Variants in EHBP1 observed in about 807,000 individuals in gnomAD.
The protein encoded by EHBP1 is EH domain-binding protein 1.
EHBP1 carries 55 observed loss-of-function variants against 144.0 expected under a neutral mutation model. The observed-to-expected ratio is 0.38, with a 90% CI of 0.31 to 0.48. The LOEUF is 0.48. EHBP1 is among the 20% of genes least tolerant of loss of function. EHBP1 has a pLI of 0.98. For synonymous variants in EHBP1, 469 were observed against 472.7 expected (o/e 0.99, Z 0.10); for missense variants, 1,200 against 1,364.2 (o/e 0.88, Z 1.90).
At chr2:62,782,140 G>T (rs926462080) in intron 5 of EHBP1, among the ~76,000 whole-genome samples, 4 of 152,176 alleles carry the variant, frequency 2.6e-5, no homozygotes, top group African/African-American at 9.7e-5. Flanking sequence ...CTAGGCACTA[G>T]ATTTAGAGCC....
At chr2:62,693,252 C>A (rs2151749359) in intron 1 of EHBP1, among the ~76,000 whole-genome samples, 1 of 152,168 alleles carries the variant, frequency 6.6e-6, no homozygotes, top group South Asian at 2.1e-4. Context: ...TTTCTTAATC[C>A]ATTCATCTGT....
chr2:62,678,277 A>G (rs1169906959), intron 1 of EHBP1, among the ~76,000 whole-genome samples: 1 of 152,182 alleles, frequency 6.6e-6, no homozygotes, highest in Admixed American at 6.5e-5. Flanking sequence ...CAATTTGTAT[A>G]TCTTCTTTTG....
At chr2:62,893,269 A>T (rs1478402270) in intron 10 of EHBP1, among the ~76,000 whole-genome samples, 1 of 152,208 alleles carries the variant, frequency 6.6e-6, no homozygotes. Context: ...ACTTTCTATC[A>T]TATATCATTA....
chr2:62,680,351 A>G (rs1357649672), intron 1 of EHBP1, among the ~76,000 whole-genome samples: 1 of 152,180 alleles, frequency 6.6e-6, no homozygotes, highest in East Asian at 1.9e-4. Flanking sequence ...GAATTACCAG[A>G]GGCAAAGGAG....
At chr2:63,038,837 G>T in intron 21 of EHBP1, 21 bp downstream of exon 21, 18 of 1,599,582 alleles carry the variant, frequency 1.1e-5, no homozygotes, top group Non-Finnish European at 1.5e-5. Flanking sequence ...CTATGGTGGG[G>T]TGAGGTATGT....
intron 8 of EHBP1, among the ~76,000 whole-genome samples, chr2:62,861,113 T>C (rs2049493077): frequency 1.3e-5 from 2 of 150,052 alleles, no homozygotes; most frequent in East Asian, 2.0e-4. Flanking sequence ...TATATTTATG[T>C]GCTTGAGTGG....
At position 63,010,370 on chromosome 2, in the gene EHBP1, TAAAG is replaced by T. The variant is rs963289053; in HGVS notation, c.3103+13612_3103+13615del. Among the ~76,000 whole-genome samples the T allele has an allele frequency of 8.3e-4, 126 of 151,434 alleles. 1 individual carries two copies. The highest frequency in any genetic ancestry group is 2.7e-3 in the African/African-American group (112 of 41,452). ...CTTACATAGTTTGTTTAAAAAGAAATAAAGAAAGAAAAATCAATACCTAAATGTC... is the reference window on the plus strand; with the variant it reads ...CTTACATAGTTTGTTTAAAAAGAAATAAAGAAAAATCAATACCTAAATGTC... On this transcript the variant is annotated intron_variant, in intron 19 of 22. Transcript: ENST00000431489.
chr2:62,813,015 T>A lies in EHBP1; in HGVS notation c.313-13072T>A, dbSNP rs182301176. On this transcript the variant is annotated intron_variant, in intron 5 of 22. Coordinates refer to ENST00000431489, the MANE Select transcript of EHBP1 (RefSeq NM_001142616.3). Reference sequence around the variant, plus strand: ...AGCCAGGTGCTATTCATCAAGATAATGAGAGAATAACCCCACAAGCAGTTT... The same window carrying A: ...AGCCAGGTGCTATTCATCAAGATAAAGAGAGAATAACCCCACAAGCAGTTT... Among the ~76,000 whole-genome samples the A allele has an allele frequency of 1.2e-4, 19 of 152,288 alleles. No homozygotes were observed. In the East Asian group the frequency reaches 3.5e-3, roughly 28 times the overall value.
chr2:62,753,171 T>C (rs2152239379), intron 3 of EHBP1, among the ~76,000 whole-genome samples: 1 of 152,354 alleles, frequency 6.6e-6, no homozygotes, highest in Non-Finnish European at 1.5e-5. Flanking sequence ...AGTGCTTCCT[T>C]CATGAGCTCT....
chr2:63,019,835 GGAA>G (rs1559074872), intron 19 of EHBP1, among the ~76,000 whole-genome samples: 741 of 63,864 alleles, frequency 0.012, 62 homozygotes, highest in East Asian at 0.049. Flanking sequence ...GGGGAGGGAA[GGAA>G]GGAAGGAAGG....
intron 5 of EHBP1, among the ~76,000 whole-genome samples, chr2:62,773,850 CAAAAAAAAAAA>C (rs570715468): frequency 7.9e-4 from 33 of 41,534 alleles, no homozygotes; most frequent in African/African-American, 1.5e-3. Context: ...GACTCCATCT[CAAAAAAAAAAA>C]AAAAAAAAAA....
intron 19 of EHBP1, among the ~76,000 whole-genome samples, chr2:63,033,551 C>T (rs1163195033): frequency 2.0e-5 from 3 of 152,040 alleles, no homozygotes; most frequent in Non-Finnish European, 4.4e-5. Context: ...TATAAGAATT[C>T]ATTGTCTAAA....
chr2:62,750,464 C>G (rs1208096176), intron 3 of EHBP1, among the ~76,000 whole-genome samples: 2 of 152,128 alleles, frequency 1.3e-5, no homozygotes, highest in Non-Finnish European at 2.9e-5. Context: ...CTTGGCAATG[C>G]AGGCTCTTTT....
chr2:62,696,897 A>T (rs1392822727), intron 1 of EHBP1, among the ~76,000 whole-genome samples: 1 of 152,232 alleles, frequency 6.6e-6, no homozygotes, highest in East Asian at 1.9e-4. Context: ...ATCTCTAAGG[A>T]TATCTAGGAA....
chr2:62,677,045 C>T (rs1238973654), intron 1 of EHBP1, among the ~76,000 whole-genome samples: 2 of 152,160 alleles, frequency 1.3e-5, no homozygotes, highest in African/African-American at 4.8e-5. Flanking sequence ...TTCTCGCAGT[C>T]CCAGATACTC....
intron 5 of EHBP1, among the ~76,000 whole-genome samples, chr2:62,815,640 T>A (rs2045382914): frequency 6.6e-6 from 1 of 152,210 alleles, no homozygotes; most frequent in Admixed American, 6.5e-5. Context: ...CTTGGGTATT[T>A]GGCAAATGTT....
At chr2:62,960,556 G>A (rs2057951025) in intron 14 of EHBP1, among the ~76,000 whole-genome samples, 1 of 152,002 alleles carries the variant, frequency 6.6e-6, no homozygotes, top group Non-Finnish European at 1.5e-5. Context: ...ATTCAACTGT[G>A]AACTATTTCA....
intron 10 of EHBP1, among the ~76,000 whole-genome samples, chr2:62,906,723 C>A (rs981286742): frequency 6.6e-6 from 1 of 152,146 alleles, no homozygotes; most frequent in Non-Finnish European, 1.5e-5. Flanking sequence ...GACATCGTTA[C>A]AGTCCAGATA....
At chr2:62,906,295 G>A (rs1364138447) in intron 10 of EHBP1, among the ~76,000 whole-genome samples, 1 of 151,928 alleles carries the variant, frequency 6.6e-6, no homozygotes, top group Non-Finnish European at 1.5e-5. Flanking sequence ...TTCAGACTCT[G>A]TCCCAGTGAT....
Sources: allele counts gnomAD v4.1 joint callset (sites outside exome capture counted in the v4.1 genomes callset), GRCh38; gene constraint gnomAD v4.1.1; transcripts MANE v1.5; gene names NCBI Gene and HGNC (gene_info 2026-07-23, HGNC 2026-07-21).